Variants in SAMD4A observed in about 807,000 individuals in gnomAD.
SAMD4A encodes sterile alpha motif domain containing 4A.
Under a neutral mutation model 81.3 loss-of-function variants are expected in SAMD4A, and 33 were observed. That is an observed-to-expected ratio of 0.41 (90% CI 0.31 to 0.54). The LOEUF (loss-of-function observed/expected upper bound fraction) is 0.54. Among genes scored for constraint, SAMD4A ranks in the 20% least tolerant of loss-of-function variants. The pLI is 0.37. For synonymous variants in SAMD4A, 389 were observed against 382.1 expected, an observed-to-expected ratio of 1.02 and a Z score of -0.21; for missense variants, 854 against 951.1, an observed-to-expected ratio of 0.90 and a Z score of 1.34.
At chr14:54,758,277 G>A (rs1315564180) in intron 6 of SAMD4A, among the ~76,000 whole-genome samples, 1 of 152,120 alleles carries the variant, frequency 6.6e-6, no homozygotes, top group East Asian at 1.9e-4. Context: ...AAAAAAGCAG[G>A]TTCCTGCCAA....
intron 4 of SAMD4A, among the ~76,000 whole-genome samples, chr14:54,739,227 A>C (rs1406730498): frequency 2.0e-5 from 3 of 151,838 alleles, no homozygotes; most frequent in Non-Finnish European, 4.4e-5. Flanking sequence ...TTTTGGGACA[A>C]AAGCCAAAAT....
chr14:54,702,352 C>A lies in SAMD4A; in HGVS notation c.487C>A (p.Arg163=). Residue 163 remains arginine (R), a synonymous_variant, in exon 3 of 13, where the codon CGA becomes AGA. Coordinates refer to ENST00000554335, the MANE Select transcript of SAMD4A (RefSeq NM_015589.6). The stretch of plus-strand genomic sequence containing the variant: ...GTCGACCAGCTTTGGTGGCCAGAAC[C>A]GAGGCCGCTCAGACTCTGTGGATTA... ...RTSTSFGGQN[R]GRSDSVDYGQ... 6.2e-7 allele frequency: 1 copy of A among 1,614,134 alleles called. No individual in the cohort carries two copies. Among genetic ancestry groups the A allele is most frequent in the East Asian group, 2.2e-5 (1 of 44,882 alleles).
At chr14:54,686,271 A>C (rs920318127) in intron 2 of SAMD4A, among the ~76,000 whole-genome samples, 1 of 152,220 alleles carries the variant, frequency 6.6e-6, no homozygotes, top group African/African-American at 2.4e-5. Context: ...GGCTCCCAAC[A>C]CAATTAGCTT....
At chr14:54,730,311 T>C (rs938602905) in intron 3 of SAMD4A, among the ~76,000 whole-genome samples, 3 of 152,232 alleles carry the variant, frequency 2.0e-5, no homozygotes, top group African/African-American at 7.2e-5. Context: ...CTGTGTGTAT[T>C]TGTCATCCCT....
intron 2 of SAMD4A, chr14:54,690,157 G>A (rs2295816): frequency 6.7e-6 from 1 of 150,014 alleles, no homozygotes; most frequent in Non-Finnish European, 1.5e-5. Flanking sequence ...GGGGTGAAGT[G>A]GGGGGGGTGT....
intron 3 of SAMD4A, among the ~76,000 whole-genome samples, chr14:54,707,353 G>A (rs368021951): frequency 3.9e-5 from 6 of 151,956 alleles, no homozygotes; most frequent in South Asian, 4.2e-4. Flanking sequence ...ATCCTCCTGC[G>A]TAAGCCTCCC....
intron 2 of SAMD4A, among the ~76,000 whole-genome samples, chr14:54,576,051 G>A (rs2033286970): frequency 8.1e-6 from 1 of 123,374 alleles, no homozygotes; most frequent in Non-Finnish European, 1.6e-5. Context: ...TGATGCTATG[G>A]GCTGTAAAGT....
At chr14:54,725,485 G>A (rs1206985690) in intron 3 of SAMD4A, among the ~76,000 whole-genome samples, 2 of 152,236 alleles carry the variant, frequency 1.3e-5, no homozygotes, top group Admixed American at 1.3e-4. Flanking sequence ...CAGTATGACA[G>A]ACCATGATGG....
At chr14:54,596,953 G>T (rs1438601368) in intron 2 of SAMD4A, among the ~76,000 whole-genome samples, 1 of 152,188 alleles carries the variant, frequency 6.6e-6, no homozygotes. Context: ...TCTGTTGCTT[G>T]TAGCCAGACC....
rs2033719931 is a variant in SAMD4A at position 54,589,599 on chromosome 14, C to G, written c.196+21487C>G. 2.0e-5 allele frequency among the ~76,000 whole-genome samples: 3 copies of G among 152,142 alleles called. No homozygotes were observed. In the South Asian group the frequency reaches 6.2e-4, roughly 32 times the overall value. On this transcript the variant is annotated intron_variant, in intron 2 of 12. Transcript: ENST00000554335. ...GGAAAAAGGTGGCTTGTGTTATTCACTCATTCATTCATTCACTAATTTTTA... is the reference window on the plus strand; with the variant it reads ...GGAAAAAGGTGGCTTGTGTTATTCAGTCATTCATTCATTCACTAATTTTTA...
At chr14:54,731,956 A>G (rs2037567785) in intron 3 of SAMD4A, among the ~76,000 whole-genome samples, 1 of 152,248 alleles carries the variant, frequency 6.6e-6, no homozygotes, top group Non-Finnish European at 1.5e-5. Flanking sequence ...AGTTCAAAAC[A>G]CATAGTGACA....
chr14:54,638,731 T>C (rs1294475192), intron 2 of SAMD4A, among the ~76,000 whole-genome samples: 1 of 152,208 alleles, frequency 6.6e-6, no homozygotes, highest in Non-Finnish European at 1.5e-5. Context: ...GAGTATACTC[T>C]GAGTTATAAT....
At chr14:54,742,341 T>C (rs1356276744) in intron 4 of SAMD4A, among the ~76,000 whole-genome samples, 1 of 150,712 alleles carries the variant, frequency 6.6e-6, no homozygotes. Flanking sequence ...AGAAATAGAA[T>C]GGGGGGGGCA....
At chr14:54,642,862 G>C (rs1375241944) in intron 2 of SAMD4A, among the ~76,000 whole-genome samples, 1 of 152,182 alleles carries the variant, frequency 6.6e-6, no homozygotes, top group East Asian at 1.9e-4. Flanking sequence ...TAAACACTGA[G>C]AGCTGCGTTA....
intron 2 of SAMD4A, among the ~76,000 whole-genome samples, chr14:54,678,263 T>C (rs1280344339): frequency 6.6e-6 from 1 of 152,202 alleles, no homozygotes; most frequent in Non-Finnish European, 1.5e-5. Flanking sequence ...TTGGCATCTC[T>C]GTGTCGTTAA....
chr14:54,571,704 A>T (rs557152830), intron 2 of SAMD4A, among the ~76,000 whole-genome samples: 4 of 152,236 alleles, frequency 2.6e-5, no homozygotes, highest in Non-Finnish European at 5.9e-5. Flanking sequence ...GAGACAAAAA[A>T]ATAATTGTGG....
Position 54,567,827 on chromosome 14 carries a change from C to A in SAMD4A, c.-90C>A. ...CTTGGAACAGGAACGCGTCTCCGGC[C>A]GCGGGGCTGCGGCTCCGCCAAACTT... On this transcript the variant is annotated 5_prime_UTR_variant, in exon 2 of 13. Transcript: ENST00000554335. The A allele has an allele frequency of 7.1e-7, 1 of 1,409,624 alleles. No homozygotes were observed. Among genetic ancestry groups the A allele is most frequent in the Non-Finnish European group, 9.5e-7 (1 of 1,050,426 alleles). 87.3% of individuals were successfully genotyped at this position (1,409,624 alleles called of 1,614,324 possible).
chr14:54,748,900 C>A lies in SAMD4A; in HGVS notation c.1065C>A (p.Leu355=). The change falls in exon 5 of 13, where the codon CTC becomes CTA. Residue 355 remains leucine (L), a synonymous_variant. Transcript: ENST00000554335. ...TGACCTATGAGGAGATGATGGCCCT[C>A]ACCGAGTGCCAGCTGGAGGCGCAGG... is the stretch of plus-strand genomic sequence containing the variant. The part of the protein sequence containing the change: ...SQMTYEEMMA[L]TECQLEAQNV... The A allele has an allele frequency of 6.4e-7, 1 of 1,554,138 alleles. No homozygotes were observed.
intron 9 of SAMD4A, among the ~76,000 whole-genome samples, chr14:54,773,135 G>C (rs987220118): frequency 2.0e-5 from 3 of 152,202 alleles, no homozygotes; most frequent in Non-Finnish European, 4.4e-5. Flanking sequence ...AAGTAGAAAG[G>C]CACAAGCCCA....
Sources: gnomAD v4.1 joint callset for allele counts (sites outside exome capture counted in the v4.1 genomes callset) on GRCh38, gnomAD v4.1.1 for gene constraint, MANE v1.5 for transcripts, NCBI Gene and HGNC (gene_info 2026-07-23, HGNC 2026-07-21) for gene names.